Variants in SHROOM3 observed in about 807,000 individuals in gnomAD.
SHROOM3 encodes the protein protein Shroom3.
SHROOM3 carries 47 observed loss-of-function variants against 138.6 expected under a neutral mutation model. The observed-to-expected ratio is 0.34, with a 90% confidence interval of 0.27 to 0.43. The LOEUF is 0.43. SHROOM3 is among the 20% of genes least tolerant of loss of function. The pLI is 1.00. For missense variants in SHROOM3, 2,491 were observed against 2,596.5 expected (o/e 0.96, Z 0.88); for synonymous variants, 1,062 against 1,063.3 (o/e 1.00, Z 0.02).
intron 1 of SHROOM3, chr4:76,532,234 C>T (rs1732845454): frequency 1.3e-5 from 2 of 152,184 alleles, no homozygotes; most frequent in Admixed American, 6.6e-5. Flanking sequence ...AAATATGGAA[C>T]GCTTCACGAA....
At chr4:76,667,296 A>G (rs34981394) in intron 2 of SHROOM3, among the ~76,000 whole-genome samples, 33,226 of 151,962 alleles carry the variant, frequency 0.22, 3,812 homozygotes, top group East Asian at 0.35. Context: ...TTCACTTTAC[A>G]TTATGTAGGC....
intron 1 of SHROOM3, among the ~76,000 whole-genome samples, chr4:76,462,201 C>T (rs1731154344): frequency 6.6e-6 from 1 of 152,018 alleles, no homozygotes; most frequent in Non-Finnish European, 1.5e-5. Context: ...CCAGCCTGGC[C>T]AACATGGTGA....
intron 2 of SHROOM3, among the ~76,000 whole-genome samples, chr4:76,661,433 C>G (rs553602318): frequency 6.6e-6 from 1 of 151,972 alleles, no homozygotes; most frequent in African/African-American, 2.4e-5. Flanking sequence ...GGTTTCACCA[C>G]GTTAGCCAGG....
chr4:76,773,774 G>T (rs1302463897), intron 10 of SHROOM3, among the ~76,000 whole-genome samples: 1 of 152,172 alleles, frequency 6.6e-6, no homozygotes, highest in Non-Finnish European at 1.5e-5. Context: ...GACAGCAAGG[G>T]AGCCCAGTGG....
chr4:76,509,112 A>G (rs1191012556), intron 1 of SHROOM3, among the ~76,000 whole-genome samples: 3 of 152,226 alleles, frequency 2.0e-5, no homozygotes, highest in African/African-American at 4.8e-5. Flanking sequence ...GGAGGGACAC[A>G]TACATTCAAA....
chr4:76,628,387 A>G (rs908217873), intron 2 of SHROOM3, among the ~76,000 whole-genome samples: 3 of 152,242 alleles, frequency 2.0e-5, no homozygotes, highest in Non-Finnish European at 4.4e-5. Context: ...TGGTTCAGTG[A>G]GCAGGTTGGA....
intron 2 of SHROOM3, among the ~76,000 whole-genome samples, chr4:76,619,736 G>A (rs28668115): frequency 0.2 from 30,503 of 151,808 alleles, 3,861 homozygotes; most frequent in African/African-American, 0.35. Context: ...GAAGTAGAGG[G>A]GACGGTCACA....
chr4:76,600,457 A>G (rs1267404649), intron 2 of SHROOM3, among the ~76,000 whole-genome samples: 2 of 152,340 alleles, frequency 1.3e-5, no homozygotes, highest in Non-Finnish European at 2.9e-5. Context: ...CAGCTTTCAC[A>G]TGATCAAGGT....
chr4:76,446,363 G>A (rs1266384482), intron 1 of SHROOM3, among the ~76,000 whole-genome samples: 1 of 150,604 alleles, frequency 6.6e-6, no homozygotes, highest in Non-Finnish European at 1.5e-5. Context: ...TGAACTGTGT[G>A]CAACAGTCAG....
intron 2 of SHROOM3, among the ~76,000 whole-genome samples, chr4:76,619,090 C>T (rs1325930122): frequency 6.6e-6 from 1 of 152,144 alleles, no homozygotes; most frequent in Non-Finnish European, 1.5e-5. Flanking sequence ...TTAAATGATC[C>T]ACCTGCCTTA....
chr4:76,779,194 C>T lies in SHROOM3; in HGVS notation c.*17C>T. The T allele has an allele frequency of 6.3e-7, 1 of 1,582,932 alleles. No individual in the cohort carries two copies. The stretch of plus-strand genomic sequence containing the variant: ...CCACTTTAACCTCTTCTAAAATACC[C>T]AACCAAAAGATCACTGTTTCTCTCA... On this transcript the variant is annotated 3_prime_UTR_variant, in exon 11 of 11. Transcript: ENST00000296043.
At chr4:76,729,486 C>A (rs1207508182) in intron 3 of SHROOM3, among the ~76,000 whole-genome samples, 1 of 152,162 alleles carries the variant, frequency 6.6e-6, no homozygotes, top group Non-Finnish European at 1.5e-5. Context: ...TCACCCTAAT[C>A]TCTAAGGAGT....
At chr4:76,694,858 A>G (rs1406442807) in intron 2 of SHROOM3, among the ~76,000 whole-genome samples, 1 of 152,178 alleles carries the variant, frequency 6.6e-6, no homozygotes, top group African/African-American at 2.4e-5. Context: ...TCACACTCCT[A>G]TGAGGCAGGC....
At chr4:76,557,841 A>T (rs900572413) in intron 2 of SHROOM3, among the ~76,000 whole-genome samples, 44 of 152,308 alleles carry the variant, frequency 2.9e-4, no homozygotes, top group African/African-American at 9.9e-4. Flanking sequence ...TATTTCTATT[A>T]TTATTGGCCA....
intron 2 of SHROOM3, among the ~76,000 whole-genome samples, chr4:76,607,785 T>C (rs529800088): frequency 3.9e-5 from 6 of 152,288 alleles, no homozygotes; most frequent in Admixed American, 6.5e-5. Flanking sequence ...AAACCATGAA[T>C]TGTTTTTACC....
At chr4:76,568,585 A>C (rs1436464577) in intron 2 of SHROOM3, among the ~76,000 whole-genome samples, 1 of 152,104 alleles carries the variant, frequency 6.6e-6, no homozygotes, top group African/African-American at 2.4e-5. Context: ...CTCCTGCCTT[A>C]ATGCCCCTGT....
chr4:76,709,208 G>A (rs1720154813), intron 2 of SHROOM3, among the ~76,000 whole-genome samples: 1 of 152,194 alleles, frequency 6.6e-6, no homozygotes, highest in African/African-American at 2.4e-5. Context: ...CTCAGCCATG[G>A]CCTGTGCAGA....
intron 2 of SHROOM3, among the ~76,000 whole-genome samples, chr4:76,567,518 T>C (rs1237649848): frequency 6.6e-6 from 1 of 152,080 alleles, no homozygotes; most frequent in African/African-American, 2.4e-5. Context: ...GGCGTCGTGG[T>C]GAGCGCCTGT....
intron 2 of SHROOM3, among the ~76,000 whole-genome samples, chr4:76,597,155 CAT>C (rs574302320): frequency 1.4e-4 from 22 of 152,218 alleles, no homozygotes; most frequent in Non-Finnish European, 2.9e-4. Context: ...CTGACAAGTA[CAT>C]GTTTCATAAA....
Sources: gnomAD v4.1 joint callset for allele counts (sites outside exome capture counted in the v4.1 genomes callset) on GRCh38, gnomAD v4.1.1 for gene constraint, MANE v1.5 for transcripts, NCBI Gene and HGNC (gene_info 2026-07-23, HGNC 2026-07-21) for gene names.